Variants in CLDN16 observed in about 807,000 individuals in gnomAD.
CLDN16 encodes the protein claudin-16.
Under a neutral mutation model 24.6 loss-of-function variants are expected in CLDN16, and 13 were observed. That is an observed-to-expected ratio of 0.53 (90% CI 0.34 to 0.84). The LOEUF (loss-of-function observed/expected upper bound fraction) is 0.84. Ranked by LOEUF, CLDN16 falls within the 40% of genes least tolerant of loss-of-function variation. The probability of loss-of-function intolerance (pLI) is 0.01; values close to 1 mark genes in which losing one functional copy is unlikely to be tolerated. For missense variants in CLDN16, 298 were observed against 292.7 expected (o/e 1.02, Z -0.13); for synonymous variants, 116 against 106.7 (o/e 1.09, Z -0.54).
intron 1 of CLDN16, among the ~76,000 whole-genome samples, chr3:190,368,952 A>G (rs1237325915): frequency 6.6e-6 from 1 of 151,952 alleles, no homozygotes; most frequent in Non-Finnish European, 1.5e-5. Context: ...TTTAAATGTT[A>G]ACAAGCATCT....
chr3:190,338,371 C>G (rs3846100), intron 1 of CLDN16, among the ~76,000 whole-genome samples: 92,190 of 152,074 alleles, frequency 0.61, 29,176 homozygotes, highest in African/African-American at 0.79. Context: ...TGTGTAGTGG[C>G]GTATTTTAGC....
upstream of CLDN16, among the ~76,000 whole-genome samples, chr3:190,383,726 C>T (rs182988078): frequency 9.9e-5 from 15 of 152,244 alleles, no homozygotes; most frequent in South Asian, 1.2e-3. Flanking sequence ...TGTTTTATGA[C>T]TACACTTTTT....
At chr3:190,308,389 C>G in the CLDN16 span, 1 of 1,613,690 alleles carries the variant, frequency 6.2e-7, no homozygotes, top group Non-Finnish European at 8.5e-7. Flanking sequence ...TCCCAGAAGG[C>G]AGAGAGAAGC....
intron 1 of CLDN16, among the ~76,000 whole-genome samples, chr3:190,342,835 A>G: frequency 6.6e-6 from 1 of 152,246 alleles, no homozygotes; most frequent in East Asian, 1.9e-4. Flanking sequence ...ACTTAAACAT[A>G]AGAAATGAAG....
At chr3:190,341,024 CT>C (rs1427599299) in intron 1 of CLDN16, among the ~76,000 whole-genome samples, 1 of 152,210 alleles carries the variant, frequency 6.6e-6, no homozygotes, top group Non-Finnish European at 1.5e-5. Context: ...CAGCTCTGCC[CT>C]TGTGGCTTTG....
upstream of CLDN16, among the ~76,000 whole-genome samples, chr3:190,385,139 G>T (rs1718465645): frequency 6.6e-6 from 1 of 152,088 alleles, no homozygotes; most frequent in African/African-American, 2.4e-5. Flanking sequence ...TAGAGTCAGA[G>T]TACACTGTTC....
chr3:190,362,712 G>A (rs1717917950), intron 1 of CLDN16, among the ~76,000 whole-genome samples: 1 of 151,890 alleles, frequency 6.6e-6, no homozygotes, highest in African/African-American at 2.4e-5. Context: ...TTGACTTTTT[G>A]TTTTAATTAG....
chr3:190,305,596 G>A, the CLDN16 span: 1 of 152,118 alleles, frequency 6.6e-6, no homozygotes, highest in Non-Finnish European at 1.5e-5. Flanking sequence ...TGGGCCAGAG[G>A]CATCATAGTT....
At chr3:190,387,362 G>GTT (rs11391446), upstream of CLDN16, among the ~76,000 whole-genome samples, 5,337 of 151,158 alleles carry the variant, frequency 0.035, 127 homozygotes, top group Non-Finnish European at 0.053. Flanking sequence ...TAATATAACA[G>GTT]TTTTTTTTTC....
the CLDN16 span, among the ~76,000 whole-genome samples, chr3:190,315,769 A>G: frequency 7.2e-5 from 11 of 152,184 alleles, no homozygotes; most frequent in African/African-American, 2.7e-4. Flanking sequence ...CTTTTCTTCA[A>G]GTAAAAACAG....
At chr3:190,365,503 C>T (rs1295728114) in intron 1 of CLDN16, among the ~76,000 whole-genome samples, 1 of 149,048 alleles carries the variant, frequency 6.7e-6, no homozygotes, top group African/African-American at 2.5e-5. Context: ...TCACCATCTT[C>T]CGTGAAAGTT....
intron 1 of CLDN16, among the ~76,000 whole-genome samples, chr3:190,398,352 C>T (rs1200548483): frequency 1.3e-5 from 2 of 152,172 alleles, no homozygotes; most frequent in Non-Finnish European, 2.9e-5. Context: ...TGGAAGAATC[C>T]GTTCTTAGCC....
At chr3:190,337,162 G>A (rs1717329818) in intron 1 of CLDN16, among the ~76,000 whole-genome samples, 1 of 152,192 alleles carries the variant, frequency 6.6e-6, no homozygotes, top group Non-Finnish European at 1.5e-5. Flanking sequence ...AGTATTCATG[G>A]GAAAATACAA....
At chr3:190,343,323 G>A (rs1717479263) in intron 1 of CLDN16, among the ~76,000 whole-genome samples, 1 of 152,078 alleles carries the variant, frequency 6.6e-6, no homozygotes, top group African/African-American at 2.4e-5. Flanking sequence ...GTTGATCAGG[G>A]TGTGGAAGAA....
the CLDN16 span, among the ~76,000 whole-genome samples, chr3:190,301,871 G>T: frequency 0.018 from 2,774 of 152,140 alleles, 88 homozygotes; most frequent in African/African-American, 0.064. Context: ...CAACACAACA[G>T]GAAGAATACT....
At chr3:190,395,697 ATTC>A (rs1313031212) in intron 1 of CLDN16, among the ~76,000 whole-genome samples, 1 of 152,104 alleles carries the variant, frequency 6.6e-6, no homozygotes, top group Non-Finnish European at 1.5e-5. Context: ...AAAATTATAA[ATTC>A]TTACAATTTG....
chr3:190,360,852 T>A (rs1486906130), intron 1 of CLDN16, among the ~76,000 whole-genome samples: 1 of 151,966 alleles, frequency 6.6e-6, no homozygotes, highest in East Asian at 1.9e-4. Context: ...TATTGTCACC[T>A]TTGGAATAAT....
At chr3:190,407,632 T>C (rs1245668380) in intron 3 of CLDN16, among the ~76,000 whole-genome samples, 1 of 152,186 alleles carries the variant, frequency 6.6e-6, no homozygotes, top group Non-Finnish European at 1.5e-5. Flanking sequence ...TCAAACCAGT[T>C]AATTGTCAGA....
At chr3:190,407,979 T>C (rs1196395844) in intron 3 of CLDN16, among the ~76,000 whole-genome samples, 1 of 152,258 alleles carries the variant, frequency 6.6e-6, no homozygotes, top group Non-Finnish European at 1.5e-5. Context: ...TTTGTTTTAG[T>C]ATTTTCCTTT....
Sources: gnomAD v4.1 joint callset for allele counts (sites outside exome capture counted in the v4.1 genomes callset) on GRCh38, gnomAD v4.1.1 for gene constraint, MANE v1.5 for transcripts, NCBI Gene and HGNC (gene_info 2026-07-23, HGNC 2026-07-21) for gene names.